ZBTB7C: variants seen among roughly 807,000 people sequenced by gnomAD.
ZBTB7C encodes the protein zinc finger and BTB domain containing 7C.
In ZBTB7C, 8 loss-of-function variants were observed where a neutral mutation model predicts 25.7. The ratio of observed to expected loss-of-function variants is 0.31; its 90% CI spans 0.18 to 0.56. The LOEUF (loss-of-function observed/expected upper bound fraction) is 0.56. Among genes scored for constraint, ZBTB7C ranks in the 20% least tolerant of loss-of-function variants. ZBTB7C has a pLI of 0.91. For missense variants in ZBTB7C, 824 were observed against 855.2 expected, an observed-to-expected ratio of 0.96 and a Z score of 0.46; for synonymous variants, 394 against 369.0, an observed-to-expected ratio of 1.07 and a Z score of -0.78.
intron 2 of ZBTB7C, chr18:48,252,907 G>T (rs527903670): frequency 6.6e-6 from 1 of 152,358 alleles, no homozygotes; most frequent in South Asian, 2.1e-4. Flanking sequence ...TGGGGTGACT[G>T]CCTCTTAAGG....
chr18:48,135,433 T>C (rs1453806448), intron 3 of ZBTB7C, among the ~76,000 whole-genome samples: 1 of 152,222 alleles, frequency 6.6e-6, no homozygotes, highest in Non-Finnish European at 1.5e-5. Flanking sequence ...CCTCTGCTAC[T>C]ACCTGGACAA....
chr18:48,160,566 C>T (rs1214688255), intron 3 of ZBTB7C, among the ~76,000 whole-genome samples: 1 of 152,134 alleles, frequency 6.6e-6, no homozygotes, highest in African/African-American at 2.4e-5. Context: ...TGTTAAAGAT[C>T]CCGGTTAAAT....
chr18:48,180,053 C>T (rs2041861516), intron 3 of ZBTB7C, among the ~76,000 whole-genome samples: 1 of 143,172 alleles, frequency 7.0e-6, no homozygotes, highest in Non-Finnish European at 1.5e-5. Flanking sequence ...CCTTCCTTCC[C>T]TCCCTCCGTA....
intron 3 of ZBTB7C, among the ~76,000 whole-genome samples, chr18:48,123,959 G>A (rs988434085): frequency 2.0e-5 from 3 of 152,200 alleles, no homozygotes; most frequent in Admixed American, 6.5e-5. Flanking sequence ...AGGTGATGTA[G>A]CCTGGGGACA....
chr18:48,308,758 T>G (rs1568367092), intron 2 of ZBTB7C, among the ~76,000 whole-genome samples: 1 of 152,162 alleles, frequency 6.6e-6, no homozygotes, highest in Non-Finnish European at 1.5e-5. Flanking sequence ...GGTTCTTAAA[T>G]TATGGTCTCA....
chr18:48,213,061 C>T (rs888520341), intron 2 of ZBTB7C, among the ~76,000 whole-genome samples: 6 of 151,720 alleles, frequency 4.0e-5, no homozygotes, highest in African/African-American at 1.5e-4. Flanking sequence ...CCCCAGCTTA[C>T]ACCCTCGCCT....
Position 48,077,266 on chromosome 18 carries a change from G to T in ZBTB7C, c.-16-36143C>A, listed in dbSNP as rs529807019. ...CATGGTGACTATAGTTAATAATAAG[G>T]TATGGTATACTTGAAACTTAAATAT... On this transcript the variant is annotated intron_variant, in intron 3 of 4. Coordinates refer to ENST00000590800, the MANE Select transcript of ZBTB7C (RefSeq NM_001318841.2). Among the ~76,000 whole-genome samples the T allele has an allele frequency of 5.9e-5, 9 of 152,106 alleles. No individual in the cohort carries two copies. The South Asian group carries it at 1.5e-3, about 25-fold the overall frequency.
rs973761645 is a variant in ZBTB7C at position 48,059,425 on chromosome 18, A to C, written c.-16-18302T>G. Among the ~76,000 whole-genome samples, 4 of 152,116 alleles carry C rather than the reference A, an allele frequency of 2.6e-5. No homozygotes were observed. In the East Asian group the frequency reaches 7.7e-4, roughly 29 times the overall value. ...TTGGCTGGTACCCTCCTAAGTATGC[A>C]GACAACTCACACACAGAATGCCTGC... On this transcript the variant is annotated intron_variant, in intron 3 of 4. Transcript: ENST00000590800.
intron 2 of ZBTB7C, among the ~76,000 whole-genome samples, chr18:48,191,391 C>A (rs748440390): frequency 6.6e-6 from 1 of 152,194 alleles, no homozygotes; most frequent in Non-Finnish European, 1.5e-5. Flanking sequence ...TTTTTACCAG[C>A]AAACGGGGCA....
intron 1 of ZBTB7C, among the ~76,000 whole-genome samples, chr18:48,395,551 G>A (rs534442044): frequency 3.9e-5 from 6 of 152,032 alleles, no homozygotes; most frequent in Non-Finnish European, 4.4e-5. Context: ...TGTTCTATGC[G>A]AATGCTTTAC....
rs147169359 is a variant in ZBTB7C, at chr18:48,065,850, C to T, written c.-16-24727G>A. On this transcript the variant is annotated intron_variant, in intron 3 of 4. Transcript: ENST00000590800. ...GGTCTTATCAGAGGATGCCTGCTTTCTCTGAACAGAAATGAGGGGGCAGAG... is the reference window on the plus strand; with the variant it reads ...GGTCTTATCAGAGGATGCCTGCTTTTTCTGAACAGAAATGAGGGGGCAGAG... 3.5e-3 allele frequency among the ~76,000 whole-genome samples: 537 copies of T among 152,304 alleles called. 3 individuals are homozygous for T. The highest frequency in any genetic ancestry group is 0.012 in the African/African-American group (514 of 41,568).
chr18:48,291,871 A>C (rs150461228), intron 2 of ZBTB7C, among the ~76,000 whole-genome samples: 1,700 of 152,206 alleles, frequency 0.011, 23 homozygotes, highest in South Asian at 0.055. Context: ...CTCTGCTAGG[A>C]GAGACTCCAA....
intron 1 of ZBTB7C, among the ~76,000 whole-genome samples, chr18:48,393,649 G>A (rs1355918794): frequency 6.6e-6 from 1 of 152,074 alleles, no homozygotes; most frequent in African/African-American, 2.4e-5. Context: ...ATGCATGTAT[G>A]TGCACATCCA....
At chr18:48,056,713 T>C (rs1473668371) in intron 3 of ZBTB7C, among the ~76,000 whole-genome samples, 2 of 152,146 alleles carry the variant, frequency 1.3e-5, no homozygotes, top group African/African-American at 2.4e-5. Context: ...ATAAAACTTG[T>C]ATCCCTTCCT....
chr18:48,251,623 T>G (rs1487174403), intron 2 of ZBTB7C, among the ~76,000 whole-genome samples: 1 of 152,190 alleles, frequency 6.6e-6, no homozygotes, highest in African/African-American at 2.4e-5. Context: ...CATCTTCCCT[T>G]TTCTTTGTCA....
chr18:48,270,574 C>A (rs1258649768), intron 2 of ZBTB7C, among the ~76,000 whole-genome samples: 1 of 150,458 alleles, frequency 6.6e-6, no homozygotes, highest in Non-Finnish European at 1.5e-5. Context: ...CCTGTAATCC[C>A]AGCTACTTGG....
At chr18:48,100,677 G>T (rs1188196459) in intron 3 of ZBTB7C, among the ~76,000 whole-genome samples, 3 of 152,116 alleles carry the variant, frequency 2.0e-5, no homozygotes, top group Admixed American at 2.0e-4. Flanking sequence ...GTTATCCGGG[G>T]TTTCTATTTT....
intron 2 of ZBTB7C, among the ~76,000 whole-genome samples, chr18:48,306,261 T>C (rs1445596069): frequency 6.6e-6 from 1 of 152,130 alleles, no homozygotes; most frequent in African/African-American, 2.4e-5. Flanking sequence ...CTGTGATCAT[T>C]AACACCCATG....
intron 3 of ZBTB7C, among the ~76,000 whole-genome samples, chr18:48,166,049 T>A (rs1231639369): frequency 6.6e-6 from 1 of 152,116 alleles, no homozygotes; most frequent in Non-Finnish European, 1.5e-5. Context: ...GGAGAATAAT[T>A]TTTTTTTAAA....
Sources: gnomAD v4.1 joint callset for allele counts (sites outside exome capture counted in the v4.1 genomes callset) on GRCh38, gnomAD v4.1.1 for gene constraint, MANE v1.5 for transcripts, NCBI Gene and HGNC (gene_info 2026-07-23, HGNC 2026-07-21) for gene names.